The following RPTOR variants were observed in gnomAD, a reference collection of about 807,000 sequenced individuals.
RPTOR encodes the protein regulatory-associated protein of mTOR.
Under a neutral mutation model 169.9 loss-of-function variants are expected in RPTOR, and 21 were observed. The ratio of observed to expected loss-of-function variants is 0.12; its 90% confidence interval spans 0.09 to 0.18. The LOEUF (loss-of-function observed/expected upper bound fraction) is 0.18. Among genes scored for constraint, RPTOR ranks in the 10% least tolerant of loss-of-function variants. RPTOR has a pLI of 1.00. For missense variants in RPTOR, 1,133 were observed against 1,855.9 expected, an observed-to-expected ratio of 0.61 and a Z score of 7.16; for synonymous variants, 732 against 753.2, an observed-to-expected ratio of 0.97 and a Z score of 0.46.
chr17:80,790,273 A>G (rs1412027768), intron 6 of RPTOR, among the ~76,000 whole-genome samples: 1 of 152,226 alleles, frequency 6.6e-6, no homozygotes, highest in East Asian at 1.9e-4. Context: ...TCTTTGAACG[A>G]TAAAACACTG....
chr17:80,903,601 C>T lies in RPTOR; in HGVS notation c.2402-5210C>T, dbSNP rs796392382. 5.9e-5 allele frequency among the ~76,000 whole-genome samples: 9 copies of T among 152,312 alleles called. 1 individual carries two copies. The highest frequency in any genetic ancestry group is 2.2e-4 in the African/African-American group (9 of 41,568). The stretch of plus-strand genomic sequence containing the variant: ...GTTTCGCTGTGTTGCCCAGGCTGGC[C>T]TCGAACTCTTGGGCTCAAGCAATCC... On this transcript the variant is annotated intron_variant, in intron 20 of 33. Coordinates refer to ENST00000306801, the MANE Select transcript of RPTOR (RefSeq NM_020761.3).
chr17:80,694,594 T>C (rs1281855983), intron 3 of RPTOR, among the ~76,000 whole-genome samples: 1 of 152,238 alleles, frequency 6.6e-6, no homozygotes, highest in Non-Finnish European at 1.5e-5. Flanking sequence ...CCCAGTTCTC[T>C]GCCTGCCAGG....
Position 80,726,533 on chromosome 17 carries a change from A to C in RPTOR, c.508-4027A>C, listed in dbSNP as rs1171625569. ...AATGTGGAAAATAGATTTCAGCTCA[A>C]AAAGCAAGACCTGAGAACATGGTGT... On this transcript the variant is annotated intron_variant, in intron 4 of 33. Coordinates refer to ENST00000306801, the MANE Select transcript of RPTOR (RefSeq NM_020761.3). The surrounding 1 kb of genome is among the most constrained non-coding windows in gnomAD (Gnocchi z 4.5). 6.6e-6 allele frequency among the ~76,000 whole-genome samples: 1 copy of C among 152,226 alleles called. No individual in the cohort carries two copies.
chr17:80,943,951 C>CA (rs2069067266), intron 25 of RPTOR, among the ~76,000 whole-genome samples: 1 of 152,238 alleles, frequency 6.6e-6, no homozygotes, highest in Non-Finnish European at 1.5e-5. Context: ...CAGCCAAGGC[C>CA]AGGAGGCAGC....
rs1253213716 is a variant in RPTOR, at chr17:80,905,910, G to T, written c.2402-2901G>T. 3.9e-5 allele frequency among the ~76,000 whole-genome samples: 6 copies of T among 152,210 alleles called. 1 individual carries two copies. The highest frequency in any genetic ancestry group is 3.3e-4 in the Admixed American group (5 of 15,290). ...CTCACCCCCGGGTCTTGTGAGGAGG[G>T]TTCTCATATAAGGCCAGCTGCCCCT... On this transcript the variant is annotated intron_variant, in intron 20 of 33. Coordinates refer to ENST00000306801, the MANE Select transcript of RPTOR (RefSeq NM_020761.3).
chr17:80,807,407 T>C (rs1346036887), intron 7 of RPTOR, among the ~76,000 whole-genome samples: 2 of 151,994 alleles, frequency 1.3e-5, no homozygotes, highest in Non-Finnish European at 2.9e-5. Flanking sequence ...TGGAGTGCAA[T>C]AGCACGATCT....
intron 17 of RPTOR, among the ~76,000 whole-genome samples, chr17:80,886,701 G>A (rs971930605): frequency 6.6e-6 from 1 of 152,192 alleles, no homozygotes; most frequent in Non-Finnish European, 1.5e-5. Flanking sequence ...CCCCTCCACC[G>A]GGAGCGGTCC....
chr17:80,840,717 C>T (rs143404962), intron 10 of RPTOR, among the ~76,000 whole-genome samples: 5,242 of 106,898 alleles, frequency 0.049, 273 homozygotes, highest in East Asian at 0.1. Context: ...GCTCACACCA[C>T]ACGGCAGCTC....
Position 80,658,155 on chromosome 17 carries a change from C to T in RPTOR, c.348+14345C>T, listed in dbSNP as rs79861661. 9.0e-3 allele frequency among the ~76,000 whole-genome samples: 1,371 copies of T among 152,200 alleles called. 16 individuals carry two copies. The highest frequency in any genetic ancestry group is 0.027 in the African/African-American group (1,130 of 41,522). On this transcript the variant is annotated intron_variant, in intron 3 of 33. Coordinates refer to ENST00000306801, the MANE Select transcript of RPTOR (RefSeq NM_020761.3). ...TGGAGTTTCTATGTGGATTTTAAAC[C>T]CCACAGTATACAGTCAATATTTATT...
intron 1 of RPTOR, among the ~76,000 whole-genome samples, chr17:80,564,311 C>T (rs1159979436): frequency 6.6e-6 from 1 of 152,090 alleles, no homozygotes; most frequent in Non-Finnish European, 1.5e-5. Flanking sequence ...ATCTGCCCGC[C>T]TCGGCCTCCC....
intron 1 of RPTOR, among the ~76,000 whole-genome samples, chr17:80,564,912 T>C (rs1289649871): frequency 1.3e-5 from 2 of 152,232 alleles, no homozygotes; most frequent in Non-Finnish European, 2.9e-5. Flanking sequence ...ACAAAGGACA[T>C]GATCTTATTT....
At chr17:80,851,925 A>G (rs530383787) in intron 11 of RPTOR, among the ~76,000 whole-genome samples, 1 of 152,370 alleles carries the variant, frequency 6.6e-6, no homozygotes, top group Non-Finnish European at 1.5e-5. Flanking sequence ...AACAAAAAGA[A>G]TCAGAAAACA....
intron 1 of RPTOR, among the ~76,000 whole-genome samples, chr17:80,616,979 A>G (rs141139847): frequency 1.4e-4 from 22 of 152,268 alleles, no homozygotes; most frequent in East Asian, 7.7e-4. Flanking sequence ...GTTATTTTCT[A>G]TATCTTCAGG....
At chr17:80,887,704 C>T (rs2068265793) in intron 17 of RPTOR, among the ~76,000 whole-genome samples, 1 of 152,126 alleles carries the variant, frequency 6.6e-6, no homozygotes, top group Admixed American at 6.5e-5. Context: ...ATAAAAGCAA[C>T]GTGTACTGGT....
At chr17:80,770,815 A>G (rs917488857) in intron 6 of RPTOR, among the ~76,000 whole-genome samples, 1 of 152,214 alleles carries the variant, frequency 6.6e-6, no homozygotes, top group African/African-American at 2.4e-5. Flanking sequence ...TCCCCAGCAG[A>G]ACCAGCAATA....
At chr17:80,626,105 T>C (rs1346886058) in intron 2 of RPTOR, among the ~76,000 whole-genome samples, 1 of 152,118 alleles carries the variant, frequency 6.6e-6, no homozygotes, top group African/African-American at 2.4e-5. Context: ...CAGGCTGGAG[T>C]GCAGTGGCAT....
chr17:80,914,635 C>T (rs1344537900), intron 21 of RPTOR, among the ~76,000 whole-genome samples: 16 of 152,250 alleles, frequency 1.1e-4, no homozygotes. Context: ...TTGCAACCAG[C>T]CGGCTGTGCA....
chr17:80,822,347 T>C, intron 8 of RPTOR, 46 bp downstream of exon 8: 1 of 1,574,948 alleles, frequency 6.3e-7, no homozygotes, highest in South Asian at 1.1e-5. Flanking sequence ...TGGCCTTGAG[T>C]GCGCGGGGAG....
chr17:80,734,399 C>T (rs2066418022), intron 5 of RPTOR, among the ~76,000 whole-genome samples: 2 of 152,196 alleles, frequency 1.3e-5, no homozygotes, highest in Admixed American at 6.5e-5. Flanking sequence ...TCCCCTCTCT[C>T]GATTTTCTCC....
Sources: gnomAD v4.1 joint callset for allele counts (sites outside exome capture counted in the v4.1 genomes callset) on GRCh38, gnomAD v4.1.1 for gene constraint, Gnocchi (gnomAD v3.1) non-coding constraint, MANE v1.5 for transcripts, NCBI Gene and HGNC (gene_info 2026-07-23, HGNC 2026-07-21) for gene names.